Variants in STRIP2 observed in about 807,000 individuals in gnomAD.
STRIP2 encodes striatin-interacting protein 2.
In STRIP2, 84 loss-of-function variants were observed where a neutral mutation model predicts 107.1. That is an observed-to-expected ratio of 0.78 (90% CI 0.66 to 0.94). The LOEUF (loss-of-function observed/expected upper bound fraction) is 0.94. STRIP2 is among the 40% of genes least tolerant of loss of function. The probability of loss-of-function intolerance (pLI) is 0.00; values close to 1 mark genes in which losing one functional copy is unlikely to be tolerated. For missense variants in STRIP2, 888 were observed against 1,034.2 expected (o/e 0.86, Z 1.94); for synonymous variants, 394 against 400.4 (o/e 0.98, Z 0.19).
chr7:129,441,125 T>A (rs920003949), intron 2 of STRIP2, among the ~76,000 whole-genome samples: 4 of 152,006 alleles, frequency 2.6e-5, no homozygotes, highest in Non-Finnish European at 5.9e-5. Context: ...AATAAATATA[T>A]GAGAAGATAT....
intron 1 of STRIP2, among the ~76,000 whole-genome samples, chr7:129,435,399 G>A (rs1318828883): frequency 6.6e-6 from 1 of 152,152 alleles, no homozygotes; most frequent in Non-Finnish European, 1.5e-5. Context: ...CAGAATAGAC[G>A]ACAAAATATC....
At chr7:129,437,522 C>T (rs1002894210) in intron 1 of STRIP2, among the ~76,000 whole-genome samples, 52 of 151,676 alleles carry the variant, frequency 3.4e-4, no homozygotes, top group African/African-American at 1.2e-3. Flanking sequence ...ACTTTTGTTC[C>T]AGTTTGTGTG....
At chr7:129,456,156 T>C (rs1798345599) in intron 8 of STRIP2, among the ~76,000 whole-genome samples, 1 of 150,196 alleles carries the variant, frequency 6.7e-6, no homozygotes. Context: ...TTTTCTTTTT[T>C]TTTTTTTTTG....
At chr7:129,453,479 C>A in intron 5 of STRIP2, 132 bp downstream of exon 5, 2 of 1,142,658 alleles carry the variant, frequency 1.8e-6, no homozygotes, top group Non-Finnish European at 2.4e-6. Context: ...CAGCCCAAAG[C>A]TCATTGACAG....
chr7:129,437,235 G>A (rs991629992), intron 1 of STRIP2, among the ~76,000 whole-genome samples: 57 of 152,000 alleles, frequency 3.8e-4, no homozygotes, highest in African/African-American at 1.2e-3. Flanking sequence ...CCAGGAATTC[G>A]AGACAAGCCT....
chr7:129,464,608 G>A lies in STRIP2; in HGVS notation c.1650-4G>A. 2 of 1,613,836 alleles carry A rather than the reference G, an allele frequency of 1.2e-6. No homozygotes were observed. The highest frequency in any genetic ancestry group is 1.7e-6 in the Non-Finnish European group (2 of 1,179,944). Reference sequence around the variant, plus strand: ...TGCACTAATACCTTCTCTCCCCATTGTAGCATCACTGTTCTCCAGAGCATG... The same window carrying A: ...TGCACTAATACCTTCTCTCCCCATTATAGCATCACTGTTCTCCAGAGCATG... On this transcript the variant is annotated splice_polypyrimidine_tract_variant and splice_region_variant and intron_variant, in intron 15 of 20. Coordinates refer to ENST00000249344, the MANE Select transcript of STRIP2 (RefSeq NM_020704.3).
rs192542686 is a variant in STRIP2 at position 129,481,479 on chromosome 7, G to A, written c.2049+590G>A. ...GCCACTGCACTCCAGCGTGGGCAAC[G>A]GAGTGAGACTCCGTCTCAAAATAAT... is the stretch of plus-strand genomic sequence containing the variant. On this transcript the variant is annotated intron_variant, in intron 19 of 20. Coordinates refer to ENST00000249344, the MANE Select transcript of STRIP2 (RefSeq NM_020704.3). Among the ~76,000 whole-genome samples the A allele has an allele frequency of 2.6e-3, 401 of 151,822 alleles. 2 individuals carry two copies. The highest frequency in any genetic ancestry group is 9.3e-3 in the African/African-American group (384 of 41,400).
chr7:129,463,136 T>C (rs1798586523), intron 14 of STRIP2, 96 bp downstream of exon 14: 3 of 1,038,450 alleles, frequency 2.9e-6, no homozygotes, highest in Non-Finnish European at 4.3e-6. Context: ...CTTGAGCTTG[T>C]TTCCTGAGCC....
At chr7:129,451,865 A>G (rs1798204040) in intron 4 of STRIP2, 118 bp downstream of exon 4, 4 of 1,254,814 alleles carry the variant, frequency 3.2e-6, no homozygotes, top group Non-Finnish European at 3.4e-6. Flanking sequence ...CCTCTCAAGG[A>G]CAGATCTTGT....
At chr7:129,465,916 G>C (rs1168530063) in intron 16 of STRIP2, among the ~76,000 whole-genome samples, 1 of 152,222 alleles carries the variant, frequency 6.6e-6, no homozygotes, top group Admixed American at 6.5e-5. Flanking sequence ...AGAGTACAGA[G>C]AGGCTTCTGT....
At chr7:129,444,166 A>G in intron 3 of STRIP2, 68 bp downstream of exon 3, 1 of 1,212,544 alleles carries the variant, frequency 8.2e-7, no homozygotes, top group Non-Finnish European at 1.2e-6. Flanking sequence ...TGATCTAGTA[A>G]AAGACTAAAA....
chr7:129,468,393 C>T (rs1446685945), intron 17 of STRIP2, among the ~76,000 whole-genome samples: 2 of 152,162 alleles, frequency 1.3e-5, no homozygotes, highest in Admixed American at 6.5e-5. Context: ...GATTCGTGAC[C>T]TGGATCTGCC....
chr7:129,457,963 A>C, intron 9 of STRIP2: 1 of 495,148 alleles, frequency 2.0e-6, no homozygotes, highest in Non-Finnish European at 3.7e-6. Flanking sequence ...TCTGAAAGCT[A>C]AGTAATTGTG....
At chr7:129,455,522 C>A in intron 8 of STRIP2, 151 bp downstream of exon 8, 1 of 864,966 alleles carries the variant, frequency 1.2e-6, no homozygotes, top group Non-Finnish European at 1.7e-6. Flanking sequence ...CAAGGCTGTC[C>A]TAGAGACATC....
chr7:129,476,620 G>A lies in STRIP2; in HGVS notation c.1945-4165G>A, dbSNP rs1456451854. ...GTGCTCCCCACATCTCACGATGGGC[G>A]GCCGGGCAGAGACGCTCCTCACTTC... On this transcript the variant is annotated intron_variant, in intron 18 of 20. Coordinates refer to ENST00000249344, the MANE Select transcript of STRIP2 (RefSeq NM_020704.3). 3.4e-5 allele frequency among the ~76,000 whole-genome samples: 5 copies of A among 149,032 alleles called. No individual in the cohort carries two copies. The East Asian group carries it at 6.1e-4, about 18-fold the overall frequency.
At chr7:129,464,870 T>C in intron 16 of STRIP2, 132 bp downstream of exon 16, 1 of 1,206,830 alleles carries the variant, frequency 8.3e-7, no homozygotes, top group Non-Finnish European at 1.2e-6. Flanking sequence ...TCTCAGGGAA[T>C]CCAGCCACCC....
rs1798317791 is a variant in STRIP2 at position 129,455,377 on chromosome 7, T to C, written c.834+6T>C. 6.2e-7 allele frequency: 1 copy of C among 1,611,394 alleles called. No individual in the cohort carries two copies. Among genetic ancestry groups the C allele is most frequent in the Non-Finnish European group, 8.5e-7 (1 of 1,178,992 alleles). ...TGCTCTGGAAGGTGGTCATGGTGAGTAATTCTCCCCACTCCCACATTATCA... is the reference window on the plus strand; with the variant it reads ...TGCTCTGGAAGGTGGTCATGGTGAGCAATTCTCCCCACTCCCACATTATCA... On this transcript the variant is annotated splice_donor_region_variant and intron_variant, in intron 8 of 20. Transcript: ENST00000249344.
rs1166678622 is a variant in STRIP2, at chr7:129,464,081, C to T, written c.1589C>T (p.Thr530Ile). The T allele has an allele frequency of 1.2e-6, 2 of 1,613,628 alleles. No individual in the cohort carries two copies. Among genetic ancestry groups the T allele is most frequent in the Non-Finnish European group, 1.7e-6 (2 of 1,180,024 alleles). Residue 530 changes from threonine to isoleucine, a missense_variant, in exon 15 of 21, where the codon ACC (threonine) becomes ATC (isoleucine). Transcript: ENST00000249344. ...AAGATTCTGCTGGCTGCAGCTCCCACCTCTAAGGCTAAGACAGACTCTATC... is the reference window on the plus strand; with the variant it reads ...AAGATTCTGCTGGCTGCAGCTCCCATCTCTAAGGCTAAGACAGACTCTATC... Reference protein sequence around the residue: ...LLKILLAAAPTSKAKTDSINI... With the variant: ...LLKILLAAAPISKAKTDSINI...
chr7:129,459,844 C>T (rs373330004), intron 12 of STRIP2, among the ~76,000 whole-genome samples: 2 of 151,776 alleles, frequency 1.3e-5, no homozygotes, highest in East Asian at 3.9e-4. Context: ...CTTCCCATTC[C>T]TTGCTTCTTT....
Sources: allele counts gnomAD v4.1 joint callset (sites outside exome capture counted in the v4.1 genomes callset), GRCh38; gene constraint gnomAD v4.1.1; transcripts MANE v1.5; gene names NCBI Gene and HGNC (gene_info 2026-07-23, HGNC 2026-07-21).